Variants in WDR18 observed in about 807,000 individuals in gnomAD.
WDR18 encodes the protein WD repeat domain 18, also known as WD repeat-containing protein 18.
A neutral mutation model predicts 49.6 loss-of-function variants in WDR18; 33 were observed. The observed-to-expected ratio is 0.67, with a 90% CI of 0.50 to 0.89. WDR18 has a LOEUF of 0.89. WDR18 is among the 40% of genes least tolerant of loss of function. The pLI, the probability that WDR18 is intolerant of heterozygous loss-of-function variation, is 0.00. For missense variants in WDR18, 653 were observed against 593.6 expected (o/e 1.10, Z -1.04); for synonymous variants, 315 against 263.6 (o/e 1.19, Z -1.89).
chr19:991,705 G>A (rs1399051422), intron 7 of WDR18, among the ~76,000 whole-genome samples: 1 of 1,052 alleles, frequency 9.5e-4, no homozygotes, highest in Non-Finnish European at 2.0e-3. Flanking sequence ...GCGGGGCCTG[G>A]CTGGGACGGG....
rs770145025 is a variant in WDR18 at position 991,947 on chromosome 19, C to G, written c.932-8C>G. On this transcript the variant is annotated splice_region_variant and splice_polypyrimidine_tract_variant and intron_variant, in intron 7 of 9. Transcript: ENST00000585809. ...GATGGGGCGGGGCCTGACCTCCGCG[C>G]CCCCCAGGCCCAGTCACCAATGCCG... 3 of 1,567,440 alleles carry G rather than the reference C, an allele frequency of 1.9e-6. No individual in the cohort carries two copies. The highest frequency in any genetic ancestry group is 2.6e-6 in the Non-Finnish European group (3 of 1,164,268).
At chr19:988,643 C>G (rs1476064720) in intron 2 of WDR18, among the ~76,000 whole-genome samples, 1 of 152,202 alleles carries the variant, frequency 6.6e-6, no homozygotes, top group Non-Finnish European at 1.5e-5. Flanking sequence ...TCCTTGAGGC[C>G]AGACGTCCTA....
rs2038521095 is a variant in WDR18, at chr19:989,873, G to T, written c.433G>T (p.Val145Leu). Residue 145 changes from valine (V) to leucine (L), a missense_variant, in exon 3 of 10, where the codon GTG becomes TTG. Transcript: ENST00000585809. ...HFISGGKDCLVLVWSLCSVLQ... is the reference protein window; with the variant it reads ...HFISGGKDCLLLVWSLCSVLQ... ...CATCTCAGGGGGCAAGGACTGCCTG[G>T]TGCTGGTTTGGAGCCTCTGCAGGTA... 6.2e-7 allele frequency: 1 copy of T among 1,611,236 alleles called. No homozygotes were observed. The highest frequency in any genetic ancestry group is 1.3e-5 in the African/African-American group (1 of 74,908).
chr19:984,541 G>C lies in WDR18; in HGVS notation c.188G>C (p.Ser63Thr). 6.6e-7 allele frequency: 1 copy of C among 1,510,644 alleles called. No individual in the cohort carries two copies. Among genetic ancestry groups the C allele is most frequent in the Non-Finnish European group, 8.9e-7 (1 of 1,128,210 alleles). The allele number at this position is 1,510,644 out of a possible 1,614,324, so 93.6% of individuals were successfully genotyped here. ...GCGCAGCTGGGCAAGAATTACATCA[G>C]CGCCTGGGAGCTCCAGCGGAAGGTG... ...LAAQLGKNYI[S>T]AWELQRKDQL... Residue 63 changes from serine to threonine, a missense_variant, in exon 1 of 10, where the codon AGC becomes ACC. Transcript: ENST00000585809.
chr19:991,404 A>C (rs2038546496), intron 7 of WDR18, 53 bp downstream of exon 7: 10 of 1,153,820 alleles, frequency 8.7e-6, no homozygotes, highest in Non-Finnish European at 9.9e-6. Context: ...AAAAGCCAGC[A>C]GGAGCTCCGG....
chr19:991,318 A>G lies in WDR18; in HGVS notation c.898A>G (p.Ser300Gly), dbSNP rs2038544241. ...DETVRLWDVQ[S>G]KQCIRTVALK... ...GACCGTGCGCCTCTGGGACGTGCAG[A>G]GCAAGCAGTGCATCCGGACGGTGGC... is the stretch of plus-strand genomic sequence containing the variant. Residue 300 changes from serine to glycine, a missense_variant, in exon 7 of 10, where the codon AGC (serine) becomes GGC (glycine). Coordinates refer to ENST00000585809, the MANE Select transcript of WDR18 (RefSeq NM_024100.4). 2.6e-6 allele frequency: 4 copies of G among 1,558,830 alleles called. No homozygotes were observed. The highest frequency in any genetic ancestry group is 1.2e-5 in the South Asian group (1 of 84,988).
rs774165310 is a variant in WDR18 at position 994,205 on chromosome 19, T to C, written c.1168-8T>C. On this transcript the variant is annotated splice_region_variant and splice_polypyrimidine_tract_variant and intron_variant, in intron 9 of 9. Transcript: ENST00000585809. ...ACTTCTGCCCTCTGACCCCGACTTC[T>C]CCCGCAGAGCGTGCTCGGCGGCCAG... 1 of 1,595,900 alleles carries C rather than the reference T, an allele frequency of 6.3e-7. No homozygotes were observed. Among genetic ancestry groups the C allele is most frequent in the Non-Finnish European group, 8.5e-7 (1 of 1,174,084 alleles).
Position 985,927 on chromosome 19 carries a change from T to C in WDR18, c.273T>C (p.Asn91=). The C allele has an allele frequency of 6.2e-7, 1 of 1,613,914 alleles. No homozygotes were observed. The highest frequency in any genetic ancestry group is 1.1e-5 in the South Asian group (1 of 91,090). The change falls in exon 2 of 10, where the codon AAT becomes AAC. Residue 91 remains asparagine, a synonymous_variant. Transcript: ENST00000585809. ...GPVTCLTASP[N]GLYVLAGVAE... ...TCACCTGTCTGACTGCATCACCCAA[T>C]GGTCTCTACGTCCTGGCAGGAGTTG... is the stretch of plus-strand genomic sequence containing the variant.
chr19:984,241 A>G (rs1476279587), upstream of WDR18: 4 of 1,126,708 alleles, frequency 3.6e-6, no homozygotes, highest in East Asian at 9.5e-5. Context: ...GCACGGGCGC[A>G]TGCGCGGGTC....
chr19:990,868 C>T lies in WDR18; in HGVS notation c.614C>T (p.Ser205Leu), dbSNP rs1256377388. 3 of 1,609,624 alleles carry T rather than the reference C, an allele frequency of 1.9e-6. No homozygotes were observed. The highest frequency in any genetic ancestry group is 1.1e-5 in the South Asian group (1 of 90,636). Residue 205 changes from serine to leucine, a missense_variant, in exon 5 of 10, where the codon TCG becomes TTG. Transcript: ENST00000585809. Reference protein sequence around the residue: ...DQTVKLWEVSSGELLLSVLFD... With the variant: ...DQTVKLWEVSLGELLLSVLFD... The stretch of plus-strand genomic sequence containing the variant: ...CACCCGCAGCTATGGGAGGTCTCCT[C>T]GGGGGAGCTGCTGCTCTCCGTCCTC...
At chr19:989,356 G>A (rs1599445876) in intron 2 of WDR18, among the ~76,000 whole-genome samples, 1 of 152,102 alleles carries the variant, frequency 6.6e-6, no homozygotes, top group East Asian at 1.9e-4. Flanking sequence ...GGCCACCACA[G>A]CCTGCCCAGA....
Position 990,934 on chromosome 19 carries a change from A to AG in WDR18, c.681dup (p.His228AlafsTer9). On this transcript the variant is annotated frameshift_variant, in exon 5 of 10. Coordinates refer to ENST00000585809, the MANE Select transcript of WDR18 (RefSeq NM_024100.4). LOFTEE classifies it high-confidence loss of function. The stretch of plus-strand genomic sequence containing the variant: ...ATGGCAGTGACCATGGACCTGGCTG[A>AG]GCACCATATGTTCTGCGGGGGCAGT... 6.2e-7 allele frequency: 1 copy of AG among 1,612,792 alleles called. No homozygotes were observed. The highest frequency in any genetic ancestry group is 1.1e-5 in the South Asian group (1 of 91,070).
rs1568385098 is a variant in WDR18, at chr19:990,770, G to C, written c.598-82G>C. 4.0e-6 allele frequency: 6 copies of C among 1,509,604 alleles called. No homozygotes were observed. The East Asian group carries it at 6.9e-5, about 17-fold the overall frequency. The allele number at this position is 1,509,604 out of a possible 1,614,324, so 93.5% of individuals were successfully genotyped here. Reference sequence around the variant, plus strand: ...TAGGGCCAGAGGACAGCCGACGCCTGACCTCCCTGGTGCCCCTGTTCCCAT... The same window carrying C: ...TAGGGCCAGAGGACAGCCGACGCCTCACCTCCCTGGTGCCCCTGTTCCCAT... On this transcript the variant is annotated intron_variant, in intron 4 of 9. Coordinates refer to ENST00000585809, the MANE Select transcript of WDR18 (RefSeq NM_024100.4).
In WDR18 at chr19:994,021, G is replaced by A. The variant is rs201195680; in HGVS notation, c.1100G>A (p.Gly367Asp). The part of the protein sequence containing the change: ...LTLRLGLHQQ[G>D]SEPSYLDRTE... Reference sequence around the variant, plus strand: ...GTCACGTGGCTCCCTGTGTTACAGGGCTCGGAGCCCAGCTACCTGGACCGC... The same window carrying A: ...GTCACGTGGCTCCCTGTGTTACAGGACTCGGAGCCCAGCTACCTGGACCGC... Residue 367 changes from glycine to aspartate, a missense_variant and splice_region_variant, in exon 9 of 10, where the codon GGC becomes GAC. Transcript: ENST00000585809. 1.3e-6 allele frequency: 2 copies of A among 1,553,560 alleles called. No homozygotes were observed. The highest frequency in any genetic ancestry group is 1.4e-5 in the African/African-American group (1 of 73,268).
chr19:994,171 C>A, intron 9 of WDR18, 42 bp from the exon 10 acceptor site: 1 of 1,568,124 alleles, frequency 6.4e-7, no homozygotes, highest in Non-Finnish European at 8.6e-7. Flanking sequence ...CTCCAGCACA[C>A]CCCAGGCCAC....
chr19:984,865 C>G (rs542918581), intron 1 of WDR18, among the ~76,000 whole-genome samples: 1 of 151,786 alleles, frequency 6.6e-6, no homozygotes, highest in Non-Finnish European at 1.5e-5. Flanking sequence ...TCTTGGAGCG[C>G]GAAATTTGAT....
intron 1 of WDR18, among the ~76,000 whole-genome samples, chr19:984,946 G>A (rs1258389318): frequency 6.6e-6 from 1 of 152,106 alleles, no homozygotes; most frequent in Non-Finnish European, 1.5e-5. Flanking sequence ...AGGTCTGGGG[G>A]AGTCTCCCAT....
At chr19:992,150 G>A in intron 8 of WDR18, 29 bp downstream of exon 8, 1 of 1,429,458 alleles carries the variant, frequency 7.0e-7, no homozygotes. Context: ...AACCCCCACT[G>A]CCCTTTTGTC....
In WDR18 at chr19:994,254, G is replaced by A. The variant is rs748072525; in HGVS notation, c.1209G>A (p.Thr403=). 27 of 1,608,578 alleles carry A rather than the reference G, an allele frequency of 1.7e-5. No individual in the cohort carries two copies. Among genetic ancestry groups the A allele is most frequent in the East Asian group, 4.5e-5 (2 of 44,750 alleles). The stretch of plus-strand genomic sequence containing the variant: ...AGGACCAGCTGCGCGTCCGTGTGAC[G>A]GAGCTGGAGGACGAGGTGCGCAACC... ...GGQDQLRVRV[T]ELEDEVRNLR... is the part of the protein sequence containing the mutation. The change falls in exon 10 of 10, where the codon ACG becomes ACA. Residue 403 remains threonine (T), a synonymous_variant. Coordinates refer to ENST00000585809, the MANE Select transcript of WDR18 (RefSeq NM_024100.4).
Sources: gnomAD v4.1 joint callset for allele counts (sites outside exome capture counted in the v4.1 genomes callset) on GRCh38, gnomAD v4.1.1 for gene constraint, MANE v1.5 for transcripts, NCBI Gene and HGNC (gene_info 2026-07-23, HGNC 2026-07-21) for gene names.